LRRC7: variants seen among roughly 807,000 people sequenced by gnomAD.
LRRC7 encodes leucine rich repeat containing 7, also known as leucine-rich repeat-containing protein 7.
LRRC7 carries 23 observed loss-of-function variants against 175.7 expected under a neutral mutation model. That is an observed-to-expected ratio of 0.13 (90% CI 0.09 to 0.19). The LOEUF (loss-of-function observed/expected upper bound fraction) is 0.19, where lower values mean the gene tolerates loss of function less well. Ranked by LOEUF, LRRC7 falls within the 10% of genes least tolerant of loss-of-function variation. The probability of loss-of-function intolerance (pLI) is 1.00; values close to 1 mark genes in which losing one functional copy is unlikely to be tolerated. For missense variants in LRRC7, 1,354 were observed against 1,904.7 expected, an observed-to-expected ratio of 0.71 and a Z score of 5.38; for synonymous variants, 685 against 680.9, an observed-to-expected ratio of 1.01 and a Z score of -0.09.
intron 2 of LRRC7, among the ~76,000 whole-genome samples, chr1:69,754,058 G>C (rs66931970): frequency 3.3e-5 from 5 of 152,022 alleles, no homozygotes; most frequent in Non-Finnish European, 5.9e-5. Context: ...GAGAAGTGTG[G>C]TACCTGGCCA....
At chr1:69,685,730 G>C (rs978042777) in intron 2 of LRRC7, among the ~76,000 whole-genome samples, 1 of 152,000 alleles carries the variant, frequency 6.6e-6, no homozygotes, top group East Asian at 1.9e-4. Context: ...GGGATTTGTG[G>C]AAAAATAATA....
chr1:69,718,614 A>C (rs1666006308), intron 2 of LRRC7, among the ~76,000 whole-genome samples: 1 of 151,798 alleles, frequency 6.6e-6, no homozygotes, highest in Non-Finnish European at 1.5e-5. Flanking sequence ...AGGCAAAAAA[A>C]CATGTACTGA....
intron 1 of LRRC7, among the ~76,000 whole-genome samples, chr1:69,591,665 T>C (rs1466046404): frequency 6.6e-6 from 1 of 152,094 alleles, no homozygotes; most frequent in East Asian, 1.9e-4. Flanking sequence ...CTATATTATC[T>C]GGAAATTCAC....
chr1:69,875,357 T>G (rs1385018865), intron 7 of LRRC7, among the ~76,000 whole-genome samples: 1 of 151,960 alleles, frequency 6.6e-6, no homozygotes, highest in African/African-American at 2.4e-5. Context: ...ATATAACAAT[T>G]GAAAACTTGT....
At chr1:70,089,025 C>T (rs1019507984) in intron 24 of LRRC7, among the ~76,000 whole-genome samples, 1 of 152,066 alleles carries the variant, frequency 6.6e-6, no homozygotes, top group African/African-American at 2.4e-5. Flanking sequence ...CATTCTCTTT[C>T]CCTAGCAATG....
chr1:69,795,187 C>T (rs963556951), intron 4 of LRRC7, among the ~76,000 whole-genome samples: 1 of 152,144 alleles, frequency 6.6e-6, no homozygotes, highest in African/African-American at 2.4e-5. Flanking sequence ...TGAGACCAGC[C>T]AGGCCAACAT....
chr1:70,005,433 C>T (rs931801833), intron 11 of LRRC7, among the ~76,000 whole-genome samples: 2 of 152,134 alleles, frequency 1.3e-5, no homozygotes, highest in Non-Finnish European at 2.9e-5. Context: ...TATTCACAAT[C>T]TTTCTTCCCT....
intron 5 of LRRC7, among the ~76,000 whole-genome samples, chr1:69,832,966 G>A (rs374353028): frequency 3.3e-5 from 5 of 151,980 alleles, no homozygotes; most frequent in East Asian, 3.9e-4. Context: ...TTAGCAGGGC[G>A]TGGTGGCAGG....
At position 70,107,643 on chromosome 1, in the gene LRRC7, A is replaced by T. The variant is rs528060915; in HGVS notation, c.4546-109A>T. ...AATATTCTTTGAAGCCTACATGCAT[A>T]AACTGTTTCTGGATCTGTTTTCACT... is the stretch of plus-strand genomic sequence containing the variant. On this transcript the variant is annotated intron_variant, in intron 25 of 26. Coordinates refer to ENST00000651989, the MANE Select transcript of LRRC7 (RefSeq NM_001370785.2). 886 of 764,994 alleles carry T rather than the reference A, an allele frequency of 1.2e-3. 13 individuals are homozygous for T. In the South Asian group the frequency reaches 0.014, roughly 12 times the overall value. The allele number at this position is 764,994 out of a possible 1,614,324, so 47.4% of individuals were successfully genotyped here.
Position 69,678,435 on chromosome 1 carries a change from TA to T in LRRC7, c.60del (p.Glu21ArgfsTer19). ...NPPQYQRSPC[K>X]EVRAALRKRP... ...CCCCGCAATACCAGAGAAGTCCTTG[TA>T]AAGAGGTTCGTGCAGCACTTCGGAA... On this transcript the variant is annotated frameshift_variant, in exon 2 of 27. Coordinates refer to ENST00000651989, the MANE Select transcript of LRRC7 (RefSeq NM_001370785.2). LOFTEE classifies it high-confidence loss of function. 1 of 1,605,792 alleles carries T rather than the reference TA, an allele frequency of 6.2e-7. No individual in the cohort carries two copies. The highest frequency in any genetic ancestry group is 8.5e-7 in the Non-Finnish European group (1 of 1,176,496).
Position 69,755,918 on chromosome 1 carries a change from C to G in LRRC7, c.101-4273C>G, listed in dbSNP as rs566463958. Among the ~76,000 whole-genome samples, 6 of 151,986 alleles carry G rather than the reference C, an allele frequency of 3.9e-5. No individual in the cohort carries two copies. The East Asian group carries it at 1.2e-3, about 29-fold the overall frequency. ...GGTTTCATTCTTCAGTATAGGAAGA[C>G]AGTCAGGGATCACCAGATATTTGTG... On this transcript the variant is annotated intron_variant, in intron 2 of 26. Coordinates refer to ENST00000651989, the MANE Select transcript of LRRC7 (RefSeq NM_001370785.2).
intron 7 of LRRC7, among the ~76,000 whole-genome samples, chr1:69,863,291 C>T (rs951684722): frequency 3.9e-5 from 6 of 152,158 alleles, no homozygotes; most frequent in Admixed American, 3.3e-4. Context: ...GCCATTCCAA[C>T]CCCAGGCACC....
At chr1:69,687,705 T>G (rs1661357677) in intron 2 of LRRC7, among the ~76,000 whole-genome samples, 1 of 147,724 alleles carries the variant, frequency 6.8e-6, no homozygotes, top group Admixed American at 6.7e-5. Context: ...ACTGAAGGGT[T>G]TTGGTCCCTT....
intron 11 of LRRC7, among the ~76,000 whole-genome samples, chr1:70,002,781 T>C (rs1655651148): frequency 6.6e-6 from 1 of 152,162 alleles, no homozygotes; most frequent in Non-Finnish European, 1.5e-5. Flanking sequence ...TAGAACTAGA[T>C]AGGCTTCAAT....
chr1:70,091,035 A>G (rs1004776029), intron 25 of LRRC7, among the ~76,000 whole-genome samples: 4 of 152,178 alleles, frequency 2.6e-5, no homozygotes, highest in African/African-American at 9.6e-5. Flanking sequence ...ACCAGAGGAA[A>G]ATCTCCAGTG....
In LRRC7 at chr1:70,076,619, A is replaced by G. The variant is rs118004542; in HGVS notation, c.4452+321A>G. ...CTACAGTACAGATTTTGAATGTTATAAAGGACTTCAATGGATTAGGTATAT... is the reference window on the plus strand; with the variant it reads ...CTACAGTACAGATTTTGAATGTTATGAAGGACTTCAATGGATTAGGTATAT... On this transcript the variant is annotated intron_variant, in intron 24 of 26. Coordinates refer to ENST00000651989, the MANE Select transcript of LRRC7 (RefSeq NM_001370785.2). Among the ~76,000 whole-genome samples, 79 of 152,338 alleles carry G rather than the reference A, an allele frequency of 5.2e-4. No individual in the cohort carries two copies. In the East Asian group the frequency reaches 6.4e-3, roughly 12 times the overall value.
chr1:69,726,712 T>A (rs1667020208), intron 2 of LRRC7, among the ~76,000 whole-genome samples: 1 of 151,940 alleles, frequency 6.6e-6, no homozygotes, highest in South Asian at 2.1e-4. Flanking sequence ...AGAGCAAAAC[T>A]TGCCTTTAAA....
chr1:69,797,044 G>A (rs879395284), intron 4 of LRRC7, among the ~76,000 whole-genome samples: 1 of 152,074 alleles, frequency 6.6e-6, no homozygotes, highest in African/African-American at 2.4e-5. Flanking sequence ...GGAACTACTA[G>A]CACAATACCC....
intron 11 of LRRC7, among the ~76,000 whole-genome samples, chr1:69,995,157 T>C (rs531866715): frequency 1.3e-5 from 2 of 152,250 alleles, no homozygotes; most frequent in Admixed American, 6.5e-5. Context: ...TAACATTGCC[T>C]TTTAAAGATA....
Sources: gnomAD v4.1 joint callset for allele counts (sites outside exome capture counted in the v4.1 genomes callset) on GRCh38, gnomAD v4.1.1 for gene constraint, MANE v1.5 for transcripts, NCBI Gene and HGNC (gene_info 2026-07-23, HGNC 2026-07-21) for gene names.